Variants in NSMAF observed in about 807,000 individuals in gnomAD.
The protein encoded by NSMAF is protein FAN.
Under a neutral mutation model 134.9 loss-of-function variants are expected in NSMAF, and 90 were observed. That is an observed-to-expected ratio of 0.67 (90% CI 0.56 to 0.79). The LOEUF (loss-of-function observed/expected upper bound fraction) is 0.79. Ranked by LOEUF, NSMAF falls within the 30% of genes least tolerant of loss-of-function variation. NSMAF has a pLI of 0.00. For missense variants in NSMAF, 1,010 were observed against 1,119.0 expected (o/e 0.90, Z 1.39); for synonymous variants, 358 against 389.6 (o/e 0.92, Z 0.96).
intron 2 of NSMAF, chr8:58,640,141 C>G: frequency 2.2e-6 from 1 of 447,502 alleles, no homozygotes; most frequent in South Asian, 1.6e-5. Flanking sequence ...ACAGTCCATA[C>G]CACATCATAC....
chr8:58,589,447 T>C lies in NSMAF; in HGVS notation c.2211+5A>G. On this transcript the variant is annotated splice_donor_5th_base_variant and intron_variant, in intron 26 of 30. Transcript: ENST00000038176. The stretch of plus-strand genomic sequence containing the variant: ...TTAAAAAAACTTTTTAAATTATATA[T>C]GAACCTTCACTGTAGAGTCCCACGA... 1.4e-6 allele frequency: 2 copies of C among 1,456,648 alleles called. No individual in the cohort carries two copies. The highest frequency in any genetic ancestry group is 1.8e-6 in the Non-Finnish European group (2 of 1,107,294). The allele number at this position is 1,456,648 out of a possible 1,614,324, so 90.2% of individuals were successfully genotyped here.
intron 22 of NSMAF, among the ~76,000 whole-genome samples, chr8:58,595,226 C>T (rs182266693): frequency 1.1e-3 from 168 of 152,272 alleles, no homozygotes; most frequent in Non-Finnish European, 2.0e-3. Flanking sequence ...GTATACATCA[C>T]ACTTCTCCCA....
intron 6 of NSMAF, 31 bp from the exon 7 acceptor site, chr8:58,623,811 GGAAGAGAA>G: frequency 6.4e-7 from 1 of 1,562,516 alleles, no homozygotes; most frequent in South Asian, 1.1e-5. Flanking sequence ...TCAAAATACA[GGAAGAGAA>G]GAAGTGTGCC....
Position 58,659,844 on chromosome 8 carries a change from G to T in NSMAF, c.-213C>A. 1 of 275,594 alleles carries T rather than the reference G, an allele frequency of 3.6e-6. No individual in the cohort carries two copies. The highest frequency in any genetic ancestry group is 6.7e-6 in the Non-Finnish European group (1 of 149,160). The allele number at this position is 275,594 out of a possible 1,614,324, so 17.1% of individuals were successfully genotyped here. ...GCAGCATCCTCGCGTGGGGACTCCG[G>T]CGGCACCGTGACTCAGGCCCGGAGG... On this transcript the variant is annotated 5_prime_UTR_variant, in exon 1 of 31. Coordinates refer to ENST00000038176, the MANE Select transcript of NSMAF (RefSeq NM_003580.4).
At chr8:58,634,362 G>A (rs769558382) in intron 5 of NSMAF, among the ~76,000 whole-genome samples, 4 of 152,178 alleles carry the variant, frequency 2.6e-5, no homozygotes, top group Non-Finnish European at 5.9e-5. Flanking sequence ...AGTGCTGGGA[G>A]CATGCTCTTC....
At chr8:58,597,300 G>T in intron 21 of NSMAF, 87 bp downstream of exon 21, 1 of 1,177,078 alleles carries the variant, frequency 8.5e-7, no homozygotes, top group Non-Finnish European at 1.2e-6. Context: ...TAGCACAACA[G>T]TATACGTCTT....
chr8:58,592,278 C>T (rs146029974), intron 23 of NSMAF, among the ~76,000 whole-genome samples: 1 of 151,960 alleles, frequency 6.6e-6, no homozygotes, highest in African/African-American at 2.4e-5. Context: ...GCTCTCACTG[C>T]AGCAGCCTGG....
chr8:58,626,330 G>A (rs991301988), intron 6 of NSMAF, among the ~76,000 whole-genome samples: 4 of 151,990 alleles, frequency 2.6e-5, no homozygotes, highest in Non-Finnish European at 5.9e-5. Flanking sequence ...TCCTGACCTC[G>A]TGATCTGCCC....
intron 12 of NSMAF, among the ~76,000 whole-genome samples, chr8:58,605,722 CA>C (rs905286436): frequency 6.6e-6 from 1 of 150,928 alleles, no homozygotes; most frequent in Non-Finnish European, 1.5e-5. Flanking sequence ...ACTAAAAATA[CA>C]AAAAAAATTA....
intron 11 of NSMAF, among the ~76,000 whole-genome samples, chr8:58,607,259 A>G (rs554744322): frequency 4.6e-5 from 7 of 152,268 alleles, no homozygotes; most frequent in Non-Finnish European, 1.0e-4. Context: ...ATAGAAATAC[A>G]CTTATTCAGG....
chr8:58,607,692 G>T (rs946452481), intron 11 of NSMAF, 77 bp downstream of exon 11: 1 of 1,061,722 alleles, frequency 9.4e-7, no homozygotes, highest in Non-Finnish European at 1.5e-6. Flanking sequence ...CATCCCATAA[G>T]TGTTTACCGT....
At chr8:58,611,468 G>A (rs961602249) in intron 9 of NSMAF, among the ~76,000 whole-genome samples, 23 of 152,122 alleles carry the variant, frequency 1.5e-4, no homozygotes, top group African/African-American at 5.6e-4. Flanking sequence ...GGGAGGATGG[G>A]GCTTCAGTCA....
At chr8:58,659,239 G>C (rs756428769) in intron 1 of NSMAF, 11 of 1,499,632 alleles carry the variant, frequency 7.3e-6, no homozygotes, top group South Asian at 5.0e-5. Flanking sequence ...ATCCACGCCC[G>C]GACCCCGCGC....
At chr8:58,657,498 C>T (rs773427702) in intron 1 of NSMAF, among the ~76,000 whole-genome samples, 3 of 152,142 alleles carry the variant, frequency 2.0e-5, no homozygotes, top group African/African-American at 4.8e-5. Context: ...GGGATAAACC[C>T]GGAAAAATCT....
Position 58,635,242 on chromosome 8 carries a change from A to G in NSMAF, c.297-17T>C. On this transcript the variant is annotated splice_polypyrimidine_tract_variant and intron_variant, in intron 4 of 30. Transcript: ENST00000038176. The stretch of plus-strand genomic sequence containing the variant: ...GATTTTGCCCTAAAATACAGATAAA[A>G]GTCATTAAATATATACAGCTTTTTG... 6.2e-7 allele frequency: 1 copy of G among 1,611,304 alleles called. No individual in the cohort carries two copies. Among genetic ancestry groups the G allele is most frequent in the Non-Finnish European group, 8.5e-7 (1 of 1,177,850 alleles).
intron 23 of NSMAF, among the ~76,000 whole-genome samples, chr8:58,593,447 T>C (rs551166774): frequency 3.3e-4 from 51 of 152,312 alleles, no homozygotes; most frequent in African/African-American, 1.0e-3. Context: ...GAATGAAAAA[T>C]ATAATCTCCT....
intron 2 of NSMAF, among the ~76,000 whole-genome samples, chr8:58,638,656 C>T (rs528172192): frequency 6.6e-6 from 1 of 152,092 alleles, no homozygotes; most frequent in South Asian, 2.1e-4. Context: ...AAATGTAAGT[C>T]CTGAAATTGT....
intron 5 of NSMAF, among the ~76,000 whole-genome samples, chr8:58,634,777 G>T (rs2129146204): frequency 6.6e-6 from 1 of 152,258 alleles, no homozygotes; most frequent in South Asian, 2.1e-4. Flanking sequence ...ATGAACAAAA[G>T]GTTATTACCA....
chr8:58,597,573 T>C (rs372331568), intron 20 of NSMAF, 23 bp from the exon 21 acceptor site: 183 of 1,611,758 alleles, frequency 1.1e-4, no homozygotes, highest in Non-Finnish European at 1.5e-4. Flanking sequence ...ACACAAATAA[T>C]GCAGTGAACC....
Sources: allele counts gnomAD v4.1 joint callset (sites outside exome capture counted in the v4.1 genomes callset), GRCh38; gene constraint gnomAD v4.1.1; transcripts MANE v1.5; gene names NCBI Gene and HGNC (gene_info 2026-07-23, HGNC 2026-07-21).